IFT74: variants seen among roughly 807,000 people sequenced by gnomAD.
IFT74 encodes intraflagellar transport 74.
Under a neutral mutation model 96.7 loss-of-function variants are expected in IFT74, and 92 were observed. The observed-to-expected ratio is 0.95, with a 90% CI of 0.80 to 1.13. IFT74 has a LOEUF of 1.13. Ranked by LOEUF, IFT74 falls within the 50% of genes most tolerant of loss-of-function variation. The probability of loss-of-function intolerance (pLI) is 0.00; values close to 1 mark genes in which losing one functional copy is unlikely to be tolerated. For synonymous variants in IFT74, 223 were observed against 213.2 expected, an observed-to-expected ratio of 1.05 and a Z score of -0.40; for missense variants, 811 against 698.2, an observed-to-expected ratio of 1.16 and a Z score of -1.82.
intron 8 of IFT74, among the ~76,000 whole-genome samples, chr9:27,006,623 A>AAGAGAG (rs138335710): frequency 1.4e-5 from 2 of 139,454 alleles, no homozygotes; most frequent in Admixed American, 1.4e-4. Flanking sequence ...GGGAGAGGGA[A>AAGAGAG]AGAGAGAGAG....
intron 1 of IFT74, among the ~76,000 whole-genome samples, chr9:26,949,756 T>C (rs569314032): frequency 2.6e-5 from 4 of 152,062 alleles, no homozygotes; most frequent in African/African-American, 9.6e-5. Context: ...GGCTAGGAAA[T>C]GGGAAATGCT....
At chr9:26,963,483 A>G in intron 2 of IFT74, among the ~76,000 whole-genome samples, 2 of 150,468 alleles carry the variant, frequency 1.3e-5, no homozygotes. Flanking sequence ...CAGTAATGGG[A>G]TGGCTGGGTC....
intron 8 of IFT74, chr9:26,994,550 A>AG (rs1828045323): frequency 6.6e-6 from 1 of 152,214 alleles, no homozygotes; most frequent in Admixed American, 6.6e-5. Context: ...AAAAAAAAAA[A>AG]AAAAAAGAAA....
rs1012289052 is a variant in IFT74 at position 27,048,234 on chromosome 9, A to C, written c.1293A>C (p.Glu431Asp). The C allele has an allele frequency of 3.7e-6, 6 of 1,608,232 alleles. No homozygotes were observed. The African/African-American group carries it at 8.0e-5, about 21-fold the overall frequency. Residue 431 changes from glutamate (E) to aspartate (D), a missense_variant, in exon 16 of 20, where the codon GAA becomes GAC. Transcript: ENST00000380062. Reference protein sequence around the residue: ...MQDDLNFKSTEVQKSQSTAQN... With the variant: ...MQDDLNFKSTDVQKSQSTAQN... The stretch of plus-strand genomic sequence containing the variant: ...ATGACCTCAATTTTAAATCTACTGA[A>C]GTGCAGAAATCACAAAGTACAGCTC...
intron 8 of IFT74, chr9:26,996,389 C>T (rs774602302): frequency 1.9e-6 from 3 of 1,610,544 alleles, no homozygotes; most frequent in African/African-American, 1.3e-5. Context: ...TAAAGATCTT[C>T]AGTTACTGAT....
At chr9:27,034,964 G>C (rs1819102827) in intron 13 of IFT74, among the ~76,000 whole-genome samples, 1 of 152,132 alleles carries the variant, frequency 6.6e-6, no homozygotes, top group Non-Finnish European at 1.5e-5. Context: ...CTTTAAAATG[G>C]AGGTAATTAC....
intron 16 of IFT74, among the ~76,000 whole-genome samples, chr9:27,052,692 T>C (rs961821026): frequency 2.0e-5 from 3 of 152,170 alleles, no homozygotes; most frequent in Non-Finnish European, 2.9e-5. Flanking sequence ...TTTCATTTAC[T>C]ACATTGTTTT....
intron 8 of IFT74, chr9:26,995,578 A>G (rs1247302685): frequency 1.9e-6 from 3 of 1,599,624 alleles, no homozygotes; most frequent in African/African-American, 2.7e-5. Context: ...TAAATCCATC[A>G]TCATCTACCA....
upstream of IFT74, among the ~76,000 whole-genome samples, chr9:26,954,003 C>G (rs144953507): frequency 1.1e-3 from 175 of 152,274 alleles, no homozygotes; most frequent in African/African-American, 3.9e-3. Context: ...CTTCCCTACT[C>G]CCTCATTCTC....
At chr9:26,981,859 C>G (rs1008640326) in intron 4 of IFT74, among the ~76,000 whole-genome samples, 24 of 151,584 alleles carry the variant, frequency 1.6e-4, no homozygotes, top group African/African-American at 5.8e-4. Context: ...CCCCTGCCTT[C>G]CGGGTTTAAG....
chr9:27,059,825 T>A (rs1820337549), intron 18 of IFT74, among the ~76,000 whole-genome samples: 1 of 152,244 alleles, frequency 6.6e-6, no homozygotes, highest in South Asian at 2.1e-4. Flanking sequence ...ATTATTGTAT[T>A]TTTAAAAATA....
At chr9:27,007,684 G>A (rs1828862327) in intron 8 of IFT74, among the ~76,000 whole-genome samples, 1 of 152,192 alleles carries the variant, frequency 6.6e-6, no homozygotes. Context: ...GGATATGAAT[G>A]TGTAGAAGGT....
upstream of IFT74, among the ~76,000 whole-genome samples, chr9:26,954,695 A>G (rs1826026008): frequency 6.6e-6 from 1 of 151,708 alleles, no homozygotes; most frequent in Non-Finnish European, 1.5e-5. Context: ...TGAAAAGCAG[A>G]GGGACAAAGA....
chr9:26,995,400 T>A, intron 8 of IFT74: 1 of 626,004 alleles, frequency 1.6e-6, no homozygotes. Flanking sequence ...ATGATATTCA[T>A]GTATGTTGTC....
At chr9:27,031,311 C>G (rs1375551238) in intron 13 of IFT74, among the ~76,000 whole-genome samples, 1 of 151,778 alleles carries the variant, frequency 6.6e-6, no homozygotes, top group Non-Finnish European at 1.5e-5. Context: ...CTAAAAAATA[C>G]AAAAAATTAG....
At chr9:26,962,280 A>C (rs1826401170) in intron 2 of IFT74, among the ~76,000 whole-genome samples, 193 bp downstream of exon 2, 1 of 152,218 alleles carries the variant, frequency 6.6e-6, no homozygotes. Context: ...CTCTGTAATA[A>C]GAGATTCTAC....
intron 2 of IFT74, among the ~76,000 whole-genome samples, chr9:26,972,592 G>A (rs537024158): frequency 2.1e-4 from 32 of 152,286 alleles, no homozygotes; most frequent in African/African-American, 7.2e-4. Flanking sequence ...TTTTATCGAA[G>A]TCCACAAGAG....
intron 17 of IFT74, 65 bp downstream of exon 17, chr9:27,055,837 A>G (rs914831165): frequency 9.5e-7 from 1 of 1,051,088 alleles, no homozygotes; most frequent in Non-Finnish European, 1.3e-6. Flanking sequence ...CAAATGTAAT[A>G]TATTTGTGGT....
At position 26,997,710 on chromosome 9, in the gene IFT74, T is replaced by C. The variant is rs749823404; in HGVS notation, c.587+7515T>C. The C allele has an allele frequency of 4.5e-6, 7 of 1,568,022 alleles. No individual in the cohort carries two copies. The South Asian group carries it at 8.5e-5, about 19-fold the overall frequency. The stretch of plus-strand genomic sequence containing the variant: ...TGAGTTAATCACATTTTGGTTTTGC[T>C]TAATTATGATAGCTTACCTAATGTC... On this transcript the variant is annotated intron_variant, in intron 8 of 19. Transcript: ENST00000380062.
Sources: gnomAD v4.1 joint callset for allele counts (sites outside exome capture counted in the v4.1 genomes callset) on GRCh38, gnomAD v4.1.1 for gene constraint, MANE v1.5 for transcripts, NCBI Gene and HGNC (gene_info 2026-07-23, HGNC 2026-07-21) for gene names.